The following RHEB variants were observed in gnomAD, a reference collection of about 807,000 sequenced individuals.
RHEB encodes Ras homolog, mTORC1 binding, also known as GTP-binding protein Rheb.
RHEB carries 2 observed loss-of-function variants against 28.8 expected under a neutral mutation model. That is an observed-to-expected ratio of 0.07 (90% CI 0.03 to 0.22). RHEB has a LOEUF of 0.22. Among genes scored for constraint, RHEB ranks in the 10% least tolerant of loss-of-function variants. The probability of loss-of-function intolerance (pLI) is 1.00; values close to 1 mark genes in which losing one functional copy is unlikely to be tolerated. For missense variants in RHEB, 76 were observed against 219.9 expected, an observed-to-expected ratio of 0.35 and a Z score of 4.14; for synonymous variants, 69 against 77.3, an observed-to-expected ratio of 0.89 and a Z score of 0.56.
In RHEB at chr7:151,467,114, C is replaced by A; in HGVS notation, c.*5G>T. On this transcript the variant is annotated 3_prime_UTR_variant, in exon 8 of 8. Transcript: ENST00000262187. ...TTCCCAGTGTCCTCAGGCTTTGCAGCAGAATCACATCACCGAGCATGAAGA... is the reference window on the plus strand; with the variant it reads ...TTCCCAGTGTCCTCAGGCTTTGCAGAAGAATCACATCACCGAGCATGAAGA... 1 of 1,606,328 alleles carries A rather than the reference C, an allele frequency of 6.2e-7. No individual in the cohort carries two copies.
At chr7:151,497,084 A>C (rs1032259309) in intron 1 of RHEB, among the ~76,000 whole-genome samples, 22 of 151,504 alleles carry the variant, frequency 1.5e-4, no homozygotes, top group African/African-American at 5.3e-4. Flanking sequence ...CGCCGCACCC[A>C]GCCACAAACC....
intron 4 of RHEB, among the ~76,000 whole-genome samples, chr7:151,477,113 C>A (rs1802284424): frequency 6.6e-6 from 1 of 151,954 alleles, no homozygotes; most frequent in Non-Finnish European, 1.5e-5. Context: ...TTCTAGGTAG[C>A]TTGAGGTAAG....
At chr7:151,492,459 C>CA (rs1393417327) in intron 1 of RHEB, among the ~76,000 whole-genome samples, 15 of 151,506 alleles carry the variant, frequency 9.9e-5, no homozygotes, top group Non-Finnish European at 1.5e-4. Flanking sequence ...ACTAAAAATA[C>CA]AAAAAAAGTT....
At chr7:151,501,212 T>C (rs1477941395) in intron 1 of RHEB, among the ~76,000 whole-genome samples, 1 of 152,192 alleles carries the variant, frequency 6.6e-6, no homozygotes, top group Non-Finnish European at 1.5e-5. Context: ...GGAGAAAATA[T>C]GTGCAAAGGA....
intron 7 of RHEB, 128 bp from the exon 8 acceptor site, chr7:151,467,339 GC>G: frequency 1.4e-6 from 1 of 690,636 alleles, no homozygotes; most frequent in Non-Finnish European, 2.6e-6. Flanking sequence ...GTTCTGGTGA[GC>G]CCCAGAACTT....
chr7:151,494,029 C>T (rs769660880), intron 1 of RHEB, among the ~76,000 whole-genome samples: 17 of 152,054 alleles, frequency 1.1e-4, no homozygotes, highest in Non-Finnish European at 2.4e-4. Context: ...GCTTTTTATA[C>T]CCTTATGTGG....
chr7:151,484,755 A>T lies in RHEB; in HGVS notation c.174T>A (p.Leu58=), dbSNP rs1224845112. ...CACTTACTTGCCCGGCTGTGTCTACAAGTTGAAGATGATATTCTTGTCCAT... is the reference window on the plus strand; with the variant it reads ...CACTTACTTGCCCGGCTGTGTCTACTAGTTGAAGATGATATTCTTGTCCAT... ...TVNGQEYHLQ[L]VDTAGQDEYS... Residue 58 remains leucine, a synonymous_variant, in exon 3 of 8, where the codon CTT becomes CTA. Coordinates refer to ENST00000262187, the MANE Select transcript of RHEB (RefSeq NM_005614.4). 1.2e-6 allele frequency: 2 copies of T among 1,612,358 alleles called. No homozygotes were observed. Among genetic ancestry groups the T allele is most frequent in the Non-Finnish European group, 8.5e-7 (1 of 1,178,394 alleles).
At chr7:151,495,076 C>T (rs1802651081) in intron 1 of RHEB, among the ~76,000 whole-genome samples, 1 of 152,198 alleles carries the variant, frequency 6.6e-6, no homozygotes, top group South Asian at 2.1e-4. Flanking sequence ...GTGATCTCTA[C>T]TGTGATCACC....
At chr7:151,515,186 A>G (rs1231557206) in intron 1 of RHEB, among the ~76,000 whole-genome samples, 1 of 152,232 alleles carries the variant, frequency 6.6e-6, no homozygotes, top group African/African-American at 2.4e-5. Context: ...GAAGCGACAT[A>G]TGCTACAACA....
At chr7:151,513,051 C>T (rs994023131) in intron 1 of RHEB, among the ~76,000 whole-genome samples, 1 of 152,180 alleles carries the variant, frequency 6.6e-6, no homozygotes, top group African/African-American at 2.4e-5. Flanking sequence ...TTCTACTTAA[C>T]AGTGTCCTTG....
intron 2 of RHEB, among the ~76,000 whole-genome samples, chr7:151,485,471 A>G (rs1802454848): frequency 6.6e-6 from 1 of 152,248 alleles, no homozygotes; most frequent in Non-Finnish European, 1.5e-5. Context: ...AAAAGAGGAA[A>G]GAACTACTAA....
In RHEB at chr7:151,484,730, C is replaced by G; in HGVS notation, c.192+7G>C. The G allele has an allele frequency of 6.3e-7, 1 of 1,596,384 alleles. No homozygotes were observed. Among genetic ancestry groups the G allele is most frequent in the Non-Finnish European group, 8.6e-7 (1 of 1,163,860 alleles). On this transcript the variant is annotated splice_region_variant and intron_variant, in intron 3 of 7. Coordinates refer to ENST00000262187, the MANE Select transcript of RHEB (RefSeq NM_005614.4). Reference sequence around the variant, plus strand: ...TATAAGATTCTGAGATACCAGAGGTCACTTACTTGCCCGGCTGTGTCTACA... The same window carrying G: ...TATAAGATTCTGAGATACCAGAGGTGACTTACTTGCCCGGCTGTGTCTACA...
chr7:151,509,037 T>C (rs1802938419), intron 1 of RHEB, among the ~76,000 whole-genome samples: 1 of 152,204 alleles, frequency 6.6e-6, no homozygotes, highest in Admixed American at 6.5e-5. Context: ...TGTAGCACTC[T>C]TATGCAGAAT....
chr7:151,508,320 T>C (rs1324274935), intron 1 of RHEB, among the ~76,000 whole-genome samples: 3 of 152,226 alleles, frequency 2.0e-5, no homozygotes, highest in African/African-American at 7.2e-5. Context: ...TTTATAAAGA[T>C]AATTTCTTCA....
At chr7:151,510,375 C>T (rs977959119) in intron 1 of RHEB, among the ~76,000 whole-genome samples, 5 of 152,232 alleles carry the variant, frequency 3.3e-5, no homozygotes, top group Non-Finnish European at 7.3e-5. Context: ...AACAGTTTGA[C>T]ATTGGGCAAG....
At chr7:151,480,970 C>G (rs532301228) in intron 3 of RHEB, among the ~76,000 whole-genome samples, 5 of 152,240 alleles carry the variant, frequency 3.3e-5, no homozygotes, top group African/African-American at 1.2e-4. Flanking sequence ...AGGTGTGAAT[C>G]TAAGTTATTA....
chr7:151,467,462 G>A (rs139822468), intron 7 of RHEB, among the ~76,000 whole-genome samples: 2,668 of 151,958 alleles, frequency 0.018, 48 homozygotes, highest in Non-Finnish European at 0.027. Flanking sequence ...GGAGACGCCC[G>A]AAGAGTCCTC....
intron 1 of RHEB, among the ~76,000 whole-genome samples, chr7:151,492,011 G>A (rs1802591114): frequency 6.6e-6 from 1 of 152,174 alleles, no homozygotes; most frequent in Non-Finnish European, 1.5e-5. Flanking sequence ...CGCATGAGAT[G>A]CATAGTTCAG....
intron 3 of RHEB, among the ~76,000 whole-genome samples, chr7:151,483,939 T>A (rs1334987697): frequency 1.3e-5 from 2 of 152,170 alleles, no homozygotes; most frequent in African/African-American, 2.4e-5. Flanking sequence ...ATTCCACACA[T>A]CCCTGCTACA....
Sources: gnomAD v4.1 joint callset for allele counts (sites outside exome capture counted in the v4.1 genomes callset) on GRCh38, gnomAD v4.1.1 for gene constraint, MANE v1.5 for transcripts, NCBI Gene and HGNC (gene_info 2026-07-23, HGNC 2026-07-21) for gene names.